The following MYO18B variants were observed in gnomAD, a reference collection of about 807,000 sequenced individuals.
MYO18B encodes myosin XVIIIB.
A neutral mutation model predicts 273.0 loss-of-function variants in MYO18B; 204 were observed. The observed-to-expected ratio is 0.75, with a 90% CI of 0.67 to 0.84. The LOEUF (loss-of-function observed/expected upper bound fraction) is 0.84. Among genes scored for constraint, MYO18B ranks in the 40% least tolerant of loss-of-function variants. MYO18B has a pLI of 0.00. For missense variants in MYO18B, 3,212 were observed against 3,287.6 expected, an observed-to-expected ratio of 0.98 and a Z score of 0.56; for synonymous variants, 1,330 against 1,305.7, an observed-to-expected ratio of 1.02 and a Z score of -0.40.
rs1448899746 is a variant in MYO18B at position 25,811,057 on chromosome 22, A to T, written c.2522-12448A>T. ...GAGACTGAGTCTCGCTGTGTTGCCC[A>T]GGCTGGAGTGCAGTGGTGTGATCTC... On this transcript the variant is annotated intron_variant, in intron 12 of 43. Coordinates refer to ENST00000335473, the MANE Select transcript of MYO18B (RefSeq NM_032608.7). Among the ~76,000 whole-genome samples the T allele has an allele frequency of 4.0e-5, 6 of 151,508 alleles. No homozygotes were observed. In the East Asian group the frequency reaches 1.2e-3, roughly 30 times the overall value.
In MYO18B at chr22:25,769,278, T is replaced by C. The variant is rs1241976388; in HGVS notation, c.1362T>C (p.Asp454=). ...EAEEPCSRAG[D]GAGALETELE... ...AGGAGCCCTGCTCAAGAGCAGGTGA[T>C]GGGGCTGGTGCCCTGGAGACAGAGC... The change falls in exon 4 of 44, where the codon GAT becomes GAC. Residue 454 remains aspartate (D), a synonymous_variant. Transcript: ENST00000335473. 1.3e-6 allele frequency: 2 copies of C among 1,586,242 alleles called. No homozygotes were observed.
chr22:25,887,557 G>T lies in MYO18B; in HGVS notation c.4315-3199G>T, dbSNP rs866794507. Among the ~76,000 whole-genome samples the T allele has an allele frequency of 8.5e-5, 13 of 152,254 alleles. No homozygotes were observed. In the Middle Eastern group the frequency reaches 0.01, roughly 120 times the overall value. ...TTTTCAAGATAATTTCTGGTTAATT[G>T]GTTCTTGAGTAATCTGCAAGGACTC... On this transcript the variant is annotated intron_variant, in intron 25 of 43. Transcript: ENST00000335473.
At chr22:25,863,045 A>G (rs187960404) in intron 21 of MYO18B, among the ~76,000 whole-genome samples, 147 of 151,924 alleles carry the variant, frequency 9.7e-4, no homozygotes, top group Non-Finnish European at 8.2e-4. Context: ...GTTTCTATTG[A>G]TCTATTTTCA....
chr22:25,810,249 C>G (rs1009540035), intron 12 of MYO18B, among the ~76,000 whole-genome samples: 1 of 151,184 alleles, frequency 6.6e-6, no homozygotes, highest in Non-Finnish European at 1.5e-5. Flanking sequence ...AGGCGCCCAC[C>G]ACCATGCCCA....
intron 25 of MYO18B, among the ~76,000 whole-genome samples, chr22:25,885,852 G>T (rs2091482571): frequency 6.6e-6 from 1 of 152,206 alleles, no homozygotes; most frequent in Non-Finnish European, 1.5e-5. Flanking sequence ...CCCAAGGCCA[G>T]TGGGTGGTGT....
intron 11 of MYO18B, among the ~76,000 whole-genome samples, chr22:25,796,018 C>CGT (rs1357620526): frequency 6.6e-6 from 1 of 152,168 alleles, no homozygotes; most frequent in Non-Finnish European, 1.5e-5. Context: ...TAACAGCTTA[C>CGT]AGTTCATCAC....
At position 26,014,285 on chromosome 22, in the gene MYO18B, A is replaced by C. The variant is rs144879433; in HGVS notation, c.6470+9430A>C. 3.7e-3 allele frequency among the ~76,000 whole-genome samples: 568 copies of C among 152,356 alleles called. 6 individuals are homozygous for C. Among genetic ancestry groups the C allele is most frequent in the South Asian group, 0.024 (117 of 4,826 alleles). ...AGAGAAATGATACTGTCCACATTAC[A>C]CAACAGTATAAATTTGTCATAAATC... On this transcript the variant is annotated intron_variant, in intron 42 of 43. Coordinates refer to ENST00000335473, the MANE Select transcript of MYO18B (RefSeq NM_032608.7).
At position 25,953,803 on chromosome 22, in the gene MYO18B, A is replaced by G. The variant is rs16981105; in HGVS notation, c.5971-1376A>G. ...TCAAATGGAAAAATTCTATCTCCAA[A>G]TTCAATTTTGCCCTCTGCCACTATG... On this transcript the variant is annotated intron_variant, in intron 38 of 43. Transcript: ENST00000335473. Among the ~76,000 whole-genome samples, 985 of 152,318 alleles carry G rather than the reference A, an allele frequency of 6.5e-3. 12 individuals carry two copies. The highest frequency in any genetic ancestry group is 0.023 in the African/African-American group (939 of 41,578).
chr22:25,918,799 G>A (rs551208055), intron 33 of MYO18B, among the ~76,000 whole-genome samples: 2 of 152,268 alleles, frequency 1.3e-5, no homozygotes, highest in South Asian at 2.1e-4. Context: ...AATGTGCAAA[G>A]CCCACTGCCT....
At chr22:25,826,259 A>G in intron 13 of MYO18B, 150 bp from the exon 14 acceptor site, 1 of 566,220 alleles carries the variant, frequency 1.8e-6, no homozygotes. Flanking sequence ...ACTTTGTCCT[A>G]AGAACCTGGG....
rs2091403378 is a variant in MYO18B at position 25,883,395 on chromosome 22, C to T, written c.4314+5347C>T. 6.6e-6 allele frequency: 1 copy of T among 152,178 alleles called. No individual in the cohort carries two copies. The highest frequency in any genetic ancestry group is 1.5e-5 in the Non-Finnish European group (1 of 68,044). 9.4% of individuals were successfully genotyped at this position (152,178 alleles called of 1,614,324 possible). A position where few individuals can be genotyped will look rare whatever the true frequency, so the allele number is the denominator to read the frequency against. ...ACACTTGCAAATGTGTCAGAATGCC[C>T]TGTAAGACTTCTCCGAATACAGATT... On this transcript the variant is annotated intron_variant, in intron 25 of 43. Transcript: ENST00000335473. The surrounding 1 kb of genome is among the most constrained non-coding windows in gnomAD (Gnocchi z 7.6).
chr22:26,043,917 C>CA, the MYO18B span, among the ~76,000 whole-genome samples: 2 of 152,208 alleles, frequency 1.3e-5, no homozygotes, highest in Non-Finnish European at 2.9e-5. Flanking sequence ...CACGCCACTG[C>CA]ACCTGGCTTT....
rs2092731273 is a variant in MYO18B, at chr22:25,947,707, C to T, written c.5632-5C>T. Reference sequence around the variant, plus strand: ...TTGCCTTGACCACTGATCTGCCTCCCCCAGGTGGATGAGCAGCTGTACAGG... The same window carrying T: ...TTGCCTTGACCACTGATCTGCCTCCTCCAGGTGGATGAGCAGCTGTACAGG... On this transcript the variant is annotated splice_polypyrimidine_tract_variant and splice_region_variant and intron_variant, in intron 35 of 43. Coordinates refer to ENST00000335473, the MANE Select transcript of MYO18B (RefSeq NM_032608.7). 6.2e-7 allele frequency: 1 copy of T among 1,612,038 alleles called. No individual in the cohort carries two copies. The highest frequency in any genetic ancestry group is 2.2e-5 in the East Asian group (1 of 44,860).
intron 39 of MYO18B, among the ~76,000 whole-genome samples, chr22:25,990,669 A>G (rs1408062433): frequency 8.1e-6 from 1 of 124,052 alleles, no homozygotes; most frequent in South Asian, 3.0e-4. Context: ...GCTGTGCAAC[A>G]GAGCAAGACT....
At chr22:25,879,899 C>G (rs997005230) in intron 25 of MYO18B, among the ~76,000 whole-genome samples, 4 of 152,226 alleles carry the variant, frequency 2.6e-5, no homozygotes, top group Non-Finnish European at 4.4e-5. Context: ...GTGCTATACA[C>G]TTTTAAACAA....
At chr22:26,061,290 C>T in the MYO18B span, among the ~76,000 whole-genome samples, 4 of 152,122 alleles carry the variant, frequency 2.6e-5, no homozygotes, top group African/African-American at 9.7e-5. Flanking sequence ...ATTTTAAATC[C>T]ATAGATTTGT....
chr22:26,018,898 G>A (rs1008131109), intron 42 of MYO18B, among the ~76,000 whole-genome samples: 2 of 152,190 alleles, frequency 1.3e-5, no homozygotes, highest in African/African-American at 4.8e-5. Flanking sequence ...AGAGGTTGCA[G>A]TGAGCCGAGA....
chr22:25,932,568 C>A (rs1023283087), intron 34 of MYO18B, among the ~76,000 whole-genome samples: 2 of 151,844 alleles, frequency 1.3e-5, no homozygotes, highest in African/African-American at 4.8e-5. Context: ...GTCACCATGC[C>A]CGGCTAATTT....
At position 25,868,384 on chromosome 22, in the gene MYO18B, A is replaced by G. The variant is rs770591733; in HGVS notation, c.3950A>G (p.Gln1317Arg). 2.5e-6 allele frequency: 4 copies of G among 1,593,076 alleles called. No homozygotes were observed. Among genetic ancestry groups the G allele is most frequent in the Non-Finnish European group, 3.4e-6 (4 of 1,169,610 alleles). The stretch of plus-strand genomic sequence containing the variant: ...AAGGCGGTGGCTGTGGGGCACAGCC[A>G]AGTGAGTAGAGCTGCTTTCTTACAA... ...EKKAVAVGHS[Q>R]VFLKAGVISR... The change falls in exon 22 of 44, where the codon CAA becomes CGA. Residue 1317 changes from glutamine (Q) to arginine (R), a missense_variant and splice_region_variant. Coordinates refer to ENST00000335473, the MANE Select transcript of MYO18B (RefSeq NM_032608.7).
Sources: allele counts gnomAD v4.1 joint callset (sites outside exome capture counted in the v4.1 genomes callset), GRCh38; gene constraint gnomAD v4.1.1; non-coding constraint Gnocchi (gnomAD v3.1); transcripts MANE v1.5; gene names NCBI Gene and HGNC (gene_info 2026-07-23, HGNC 2026-07-21).